DYM: variants seen among roughly 807,000 people sequenced by gnomAD.
DYM encodes dyggve-Melchior-Clausen syndrome protein.
Under a neutral mutation model 93.1 loss-of-function variants are expected in DYM, and 78 were observed. The ratio of observed to expected loss-of-function variants is 0.84; its 90% CI spans 0.70 to 1.01. DYM has a LOEUF of 1.01. DYM is among the 50% of genes least tolerant of loss of function. The pLI is 0.00. For synonymous variants in DYM, 321 were observed against 319.7 expected (o/e 1.00, Z -0.04); for missense variants, 789 against 845.0 (o/e 0.93, Z 0.82).
intron 8 of DYM, among the ~76,000 whole-genome samples, chr18:49,304,205 A>G (rs1299279933): frequency 1.3e-5 from 2 of 152,222 alleles, no homozygotes; most frequent in Non-Finnish European, 2.9e-5. Context: ...GTCTGCCAAC[A>G]TCCTTCCCCT....
chr18:49,344,539 A>T (rs1288327775), intron 6 of DYM, among the ~76,000 whole-genome samples: 1 of 152,228 alleles, frequency 6.6e-6, no homozygotes, highest in Admixed American at 6.5e-5. Context: ...TGATCTGATG[A>T]TGATTGAGTC....
chr18:49,222,104 C>A (rs909939597), intron 13 of DYM, among the ~76,000 whole-genome samples: 2 of 151,560 alleles, frequency 1.3e-5, no homozygotes, highest in Non-Finnish European at 2.9e-5. Flanking sequence ...GAAACACACA[C>A]AAAAAAATCC....
At chr18:49,405,549 G>T (rs2071385398) in intron 2 of DYM, among the ~76,000 whole-genome samples, 1 of 152,086 alleles carries the variant, frequency 6.6e-6, no homozygotes, top group African/African-American at 2.4e-5. Context: ...ATAGCTGTAG[G>T]TATATGGCTT....
intron 13 of DYM, among the ~76,000 whole-genome samples, chr18:49,244,655 C>T (rs997613619): frequency 7.9e-5 from 12 of 151,970 alleles, no homozygotes; most frequent in African/African-American, 2.7e-4. Context: ...CACAAATAAC[C>T]GATTGCATAG....
At chr18:49,347,413 A>G (rs1398078305) in intron 6 of DYM, among the ~76,000 whole-genome samples, 1 of 152,224 alleles carries the variant, frequency 6.6e-6, no homozygotes, top group Non-Finnish European at 1.5e-5. Flanking sequence ...CTGAACTTCT[A>G]TTCATTAAAA....
intron 17 of DYM, among the ~76,000 whole-genome samples, chr18:49,080,770 C>T (rs1415430476): frequency 1.4e-5 from 2 of 148,136 alleles, no homozygotes; most frequent in Admixed American, 6.7e-5. Context: ...CGGAGGGGCT[C>T]CTCACTTCTC....
At chr18:49,230,432 A>G (rs2093660553) in intron 13 of DYM, among the ~76,000 whole-genome samples, 1 of 152,146 alleles carries the variant, frequency 6.6e-6, no homozygotes, top group African/African-American at 2.4e-5. Flanking sequence ...CTAGCATCCA[A>G]AAAAATCTTA....
intron 10 of DYM, among the ~76,000 whole-genome samples, chr18:49,273,145 G>A (rs1028619586): frequency 6.6e-5 from 10 of 152,184 alleles, no homozygotes; most frequent in African/African-American, 1.9e-4. Context: ...GGGCATACGT[G>A]TTTTGACAGG....
intron 2 of DYM, among the ~76,000 whole-genome samples, chr18:49,392,561 C>T (rs189834993): frequency 2.6e-4 from 39 of 151,448 alleles, no homozygotes; most frequent in African/African-American, 9.0e-4. Context: ...AGCCATTTTC[C>T]AAAGAGGATA....
rs1246467025 is a variant in DYM at position 49,080,281 on chromosome 18, G to A, written c.2025+17121C>T. Among the ~76,000 whole-genome samples, 5 of 137,538 alleles carry A rather than the reference G, an allele frequency of 3.6e-5. No individual in the cohort carries two copies. The East Asian group carries it at 6.9e-4, about 19-fold the overall frequency. 90.2% of individuals were successfully genotyped at this position (137,538 alleles called of 152,430 possible). A position where few individuals can be genotyped will look rare whatever the true frequency, so the allele number is the denominator to read the frequency against. ...GGGCTCCTCACTTCCCAGTAGGGGC[G>A]GCGGGGCAGAGGCGCCCCTCACCTC... is the stretch of plus-strand genomic sequence containing the variant. On this transcript the variant is annotated intron_variant, in intron 17 of 17. Coordinates refer to ENST00000675505, the MANE Select transcript of DYM (RefSeq NM_001353214.3).
chr18:49,146,836 A>G (rs1434175312), intron 15 of DYM, among the ~76,000 whole-genome samples: 1 of 152,206 alleles, frequency 6.6e-6, no homozygotes, highest in African/African-American at 2.4e-5. Flanking sequence ...ACAGAATTGG[A>G]AAAAACTACT....
intron 6 of DYM, among the ~76,000 whole-genome samples, chr18:49,343,365 C>T (rs1435283731): frequency 6.6e-6 from 1 of 152,184 alleles, no homozygotes; most frequent in Non-Finnish European, 1.5e-5. Flanking sequence ...CGCCTCAAGG[C>T]CTTGAAGCTG....
At chr18:49,358,157 AT>A (rs1400162540) in intron 6 of DYM, among the ~76,000 whole-genome samples, 29 of 152,326 alleles carry the variant, frequency 1.9e-4, no homozygotes, top group African/African-American at 6.7e-4. Context: ...TCTCAAAAAA[AT>A]AAATAAATAA....
At chr18:49,215,388 T>C (rs77831385) in intron 13 of DYM, among the ~76,000 whole-genome samples, 1,539 of 152,320 alleles carry the variant, frequency 0.01, 43 homozygotes, top group South Asian at 0.075. Flanking sequence ...ACTGGTAGTA[T>C]TGAGAATTGC....
intron 6 of DYM, among the ~76,000 whole-genome samples, chr18:49,349,046 A>G (rs2064882038): frequency 1.3e-5 from 2 of 152,018 alleles, no homozygotes; most frequent in Non-Finnish European, 2.9e-5. Context: ...CGTCTCTACT[A>G]AAAATATAAA....
intron 14 of DYM, among the ~76,000 whole-genome samples, chr18:49,202,962 G>GC (rs1322630691): frequency 3.4e-5 from 4 of 115,944 alleles, no homozygotes; most frequent in Non-Finnish European, 5.5e-5. Context: ...TGAGGGGTCA[G>GC]CCCCCCCGCC....
At chr18:49,270,314 T>A (rs1177906749) in intron 11 of DYM, among the ~76,000 whole-genome samples, 1 of 152,212 alleles carries the variant, frequency 6.6e-6, no homozygotes. Flanking sequence ...AGGAGATTAT[T>A]CTAAGTGAAA....
At chr18:49,317,672 C>T (rs924282022) in intron 8 of DYM, among the ~76,000 whole-genome samples, 1 of 124,594 alleles carries the variant, frequency 8.0e-6, no homozygotes. Context: ...TTCCTTCCTT[C>T]CTTCCTTCCT....
At position 49,286,433 on chromosome 18, in the gene DYM, C is replaced by T. The variant is rs786205512; in HGVS notation, c.946+1G>A. The T allele has an allele frequency of 1.2e-6, 2 of 1,614,080 alleles. No homozygotes were observed. The highest frequency in any genetic ancestry group is 1.7e-6 in the Non-Finnish European group (2 of 1,179,960). On this transcript the variant is annotated splice_donor_variant, in intron 9 of 17. Coordinates refer to ENST00000675505, the MANE Select transcript of DYM (RefSeq NM_001353214.3). LOFTEE classifies it high-confidence loss of function. Reference sequence around the variant, plus strand: ...AATATTAGAGAAAAAATACCACAAACCTTGTGTGTTCTTGAAGGACATAAT... The same window carrying T: ...AATATTAGAGAAAAAATACCACAAATCTTGTGTGTTCTTGAAGGACATAAT...
Sources: gnomAD v4.1 joint callset for allele counts (sites outside exome capture counted in the v4.1 genomes callset) on GRCh38, gnomAD v4.1.1 for gene constraint, MANE v1.5 for transcripts, NCBI Gene and HGNC (gene_info 2026-07-23, HGNC 2026-07-21) for gene names.